CHIT1: variants seen among roughly 807,000 people sequenced by gnomAD.
CHIT1 encodes chitinase 1.
A neutral mutation model predicts 52.0 loss-of-function variants in CHIT1; 47 were observed. The observed-to-expected ratio is 0.90, with a 90% CI of 0.71 to 1.15. The LOEUF (loss-of-function observed/expected upper bound fraction) is 1.15. CHIT1 is among the 50% of genes most tolerant of loss of function. The pLI, the probability that CHIT1 is intolerant of heterozygous loss-of-function variation, is 0.00. For synonymous variants in CHIT1, 242 were observed against 228.2 expected, an observed-to-expected ratio of 1.06 and a Z score of -0.54; for missense variants, 569 against 583.0, an observed-to-expected ratio of 0.98 and a Z score of 0.25.
chr1:203,217,503 C>T (rs750390567), intron 10 of CHIT1: 124 of 1,114,910 alleles, frequency 1.1e-4, no homozygotes, highest in Middle Eastern at 2.0e-4. Context: ...AGGGAAGCCA[C>T]GGTTACAACA....
At chr1:203,226,770 G>GGTCA (rs1340878705) in intron 2 of CHIT1, among the ~76,000 whole-genome samples, 1 of 149,126 alleles carries the variant, frequency 6.7e-6, no homozygotes, top group Non-Finnish European at 1.5e-5. Flanking sequence ...CCCCCACTGA[G>GGTCA]GTCAGCCCTG....
At position 203,225,229 on chromosome 1, in the gene CHIT1, G is replaced by A. The variant is rs1656885113; in HGVS notation, c.258-125C>T. 4.8e-6 allele frequency: 4 copies of A among 832,896 alleles called. No homozygotes were observed. In the South Asian group the frequency reaches 5.6e-5, roughly 12 times the overall value. 51.6% of individuals were successfully genotyped at this position (832,896 alleles called of 1,614,324 possible). Reference sequence around the variant, plus strand: ...GTGAAAGTGCCTATGTGCAGAGACTGTATTAGGCATTCTGGGGACAGCTGT... The same window carrying A: ...GTGAAAGTGCCTATGTGCAGAGACTATATTAGGCATTCTGGGGACAGCTGT... On this transcript the variant is annotated intron_variant, in intron 3 of 10. Transcript: ENST00000367229.
At chr1:203,229,765 G>A (rs1657068895), upstream of CHIT1, 1 of 1,058,614 alleles carries the variant, frequency 9.4e-7, no homozygotes, top group East Asian at 2.5e-5. Context: ...GGGGGGGATG[G>A]GAGCAGGGTG....
chr1:203,218,023 G>T, intron 9 of CHIT1, 158 bp from the exon 10 acceptor site: 1 of 1,533,494 alleles, frequency 6.5e-7, no homozygotes, highest in East Asian at 2.5e-5. Flanking sequence ...TGGGAGCCTG[G>T]ATGCTGAGTC....
In CHIT1 at chr1:203,216,886, G is replaced by A. The variant is rs1288473650; in HGVS notation, c.*3C>T. 5 of 1,613,816 alleles carry A rather than the reference G, an allele frequency of 3.1e-6. No homozygotes were observed. Among genetic ancestry groups the A allele is most frequent in the Non-Finnish European group, 4.2e-6 (5 of 1,180,034 alleles). On this transcript the variant is annotated 3_prime_UTR_variant, in exon 11 of 11. Coordinates refer to ENST00000367229, the MANE Select transcript of CHIT1 (RefSeq NM_003465.3). The stretch of plus-strand genomic sequence containing the variant: ...AAGCTGGGACTGGAGGGGCTTTAGC[G>A]ACTCAATTCCAGGTGCAGCATTTGC...
At chr1:203,228,788 G>T (rs1243660147) in intron 1 of CHIT1, among the ~76,000 whole-genome samples, 1 of 152,184 alleles carries the variant, frequency 6.6e-6, no homozygotes. Flanking sequence ...CTGATGGAAA[G>T]TTCCATGGGC....
At chr1:203,217,212 C>A (rs953948808) in intron 10 of CHIT1, 79 bp from the exon 11 acceptor site, 4 of 1,596,906 alleles carry the variant, frequency 2.5e-6, no homozygotes, top group Non-Finnish European at 3.4e-6. Flanking sequence ...AGGCAGCAAC[C>A]ATTGGCTGGC....
intron 2 of CHIT1, among the ~76,000 whole-genome samples, chr1:203,226,820 T>G (rs1015068922): frequency 2.0e-5 from 3 of 152,084 alleles, no homozygotes; most frequent in Non-Finnish European, 4.4e-5. Context: ...AGAATGCTAG[T>G]CTTCATTCCA....
rs1376616816 is a variant in CHIT1, at chr1:203,216,105, A to G, written c.*784T>C. ...AATGTTGGGATGACTTTATTTAACCAGGACACCGTGTGCATGCTCTCTGGC... is the reference window on the plus strand; with the variant it reads ...AATGTTGGGATGACTTTATTTAACCGGGACACCGTGTGCATGCTCTCTGGC... On this transcript the variant is annotated 3_prime_UTR_variant, in exon 11 of 11. Coordinates refer to ENST00000367229, the MANE Select transcript of CHIT1 (RefSeq NM_003465.3). 1 of 454,004 alleles carries G rather than the reference A, an allele frequency of 2.2e-6. No homozygotes were observed. The highest frequency in any genetic ancestry group is 1.6e-5 in the South Asian group (1 of 64,476). The allele number at this position is 454,004 out of a possible 1,614,324, so 28.1% of individuals were successfully genotyped here. A position where few individuals can be genotyped will look rare whatever the true frequency, so the allele number is the denominator to read the frequency against.
chr1:203,217,435 G>A, intron 10 of CHIT1: 1 of 1,429,238 alleles, frequency 7.0e-7, no homozygotes, highest in Non-Finnish European at 9.4e-7. Flanking sequence ...GCTAAGGGGA[G>A]GCTTTCTCCC....
Position 203,225,099 on chromosome 1 carries a change from G to A in CHIT1, c.263C>T (p.Pro88Leu). The A allele has an allele frequency of 6.2e-7, 1 of 1,613,760 alleles. No homozygotes were observed. The highest frequency in any genetic ancestry group is 1.6e-4 in the Middle Eastern group (1 of 6,062). Residue 88 changes from proline (P) to leucine (L), a missense_variant, in exon 4 of 11, where the codon CCC (proline) becomes CTC (leucine). By Grantham distance (98) the Pro-to-Leu change is moderately conservative. Coordinates refer to ENST00000367229, the MANE Select transcript of CHIT1 (RefSeq NM_003465.3). ...GATGGCTAACAGGGTCTTCAGCTTG[G>A]GATTCCTGGGAAAGACAGGAGACAC... ...QEFNGLKKMN[P>L]KLKTLLAIGG...
Position 203,223,209 on chromosome 1 carries a change from GC to G in CHIT1, c.530del (p.Arg177ProfsTer4). On this transcript the variant is annotated frameshift_variant, in exon 6 of 11. Coordinates refer to ENST00000367229, the MANE Select transcript of CHIT1 (RefSeq NM_003465.3). LOFTEE classifies it high-confidence loss of function. Reference protein sequence around the residue: ...QQEAQTSGKERLLLSAAVPAG... With the variant: ...QQEAQTSGKEXLLLSAAVPAG... ...CTGGAACCGCTGCACTCAGAAGAAG[GC>G]GTTCCTTCCCTGAGGTCTGGGCTTC... 2 of 1,614,234 alleles carry G rather than the reference GC, an allele frequency of 1.2e-6. No individual in the cohort carries two copies. Among genetic ancestry groups the G allele is most frequent in the Non-Finnish European group, 1.7e-6 (2 of 1,180,038 alleles).
Position 203,219,670 on chromosome 1 carries a change from G to A in CHIT1, c.909C>T (p.Tyr303=), listed in dbSNP as rs756171525. The A allele has an allele frequency of 6.2e-7, 1 of 1,614,114 alleles. No individual in the cohort carries two copies. The highest frequency in any genetic ancestry group is 2.2e-5 in the East Asian group (1 of 44,886). The change falls in exon 8 of 11, where the codon TAC becomes TAT. Residue 303 remains tyrosine, a synonymous_variant. Transcript: ENST00000367229. ...TGGTTATGGGTTTTCCTACTTCATA[G>A]TAGGCCAGCATCCCTCCTTCCTTGG... The part of the protein sequence containing the change: ...PFTKEGGMLA[Y]YEVCSWKGAT...
chr1:203,217,516 CCTGGG>C (rs1397687216), intron 10 of CHIT1: 4 of 1,112,708 alleles, frequency 3.6e-6, no homozygotes, highest in Non-Finnish European at 5.2e-6. Flanking sequence ...TTACAACAAC[CCTGGG>C]CAGGCATTGC....
rs1354461005 is a variant in CHIT1, at chr1:203,225,797, G to C, written c.129C>G (p.Pro43=). Reference sequence around the variant, plus strand: ...TGCAAAGGCTGGGGTCCAAGTCCTTGGGCAGGAAGCGAGCCTCCCCCTGTC... The same window carrying C: ...TGCAAAGGCTGGGGTCCAAGTCCTTCGGCAGGAAGCGAGCCTCCCCCTGTC... ...QYRQGEARFL[P]KDLDPSLCTH... The change falls in exon 3 of 11, where the codon CCC becomes CCG. Residue 43 remains proline (P), a synonymous_variant. Transcript: ENST00000367229. 6.2e-7 allele frequency: 1 copy of C among 1,614,222 alleles called. No individual in the cohort carries two copies. The highest frequency in any genetic ancestry group is 1.3e-5 in the African/African-American group (1 of 75,058).
At position 203,216,530 on chromosome 1, in the gene CHIT1, A is replaced by G. The variant is rs1035093410; in HGVS notation, c.*359T>C. On this transcript the variant is annotated 3_prime_UTR_variant, in exon 11 of 11. Coordinates refer to ENST00000367229, the MANE Select transcript of CHIT1 (RefSeq NM_003465.3). ...TGTGTACTGGAAACTGCCCACTGGC[A>G]TATGGACTCATGGGGCAAGACCTGC... 1.3e-5 allele frequency: 6 copies of G among 464,754 alleles called. No homozygotes were observed. Among genetic ancestry groups the G allele is most frequent in the African/African-American group, 1.2e-4 (6 of 50,434 alleles). 28.8% of individuals were successfully genotyped at this position (464,754 alleles called of 1,614,324 possible).
In CHIT1 at chr1:203,225,085, G is replaced by C. The variant is rs745574679; in HGVS notation, c.277C>G (p.Leu93Val). ...AAATTCCAGCCTCCGATGGCTAACA[G>C]GGTCTTCAGCTTGGGATTCCTGGGA... ...LKKMNPKLKT[L>V]LAIGGWNFGT... Residue 93 changes from leucine to valine, a missense_variant, in exon 4 of 11, where the codon CTG (leucine) becomes GTG (valine). Coordinates refer to ENST00000367229, the MANE Select transcript of CHIT1 (RefSeq NM_003465.3). 5.0e-6 allele frequency: 8 copies of C among 1,613,854 alleles called. No individual in the cohort carries two copies. In the South Asian group the frequency reaches 8.8e-5, roughly 18 times the overall value.
intron 9 of CHIT1, 173 bp from the exon 10 acceptor site, chr1:203,218,038 T>C (rs751161832): frequency 7.8e-5 from 120 of 1,531,410 alleles, no homozygotes; most frequent in Non-Finnish European, 9.9e-5. Context: ...TGAGTCCTCA[T>C]GCTGCTTGGA....
chr1:203,228,497 GA>G lies in CHIT1; in HGVS notation c.55+35del, dbSNP rs772394834. The G allele has an allele frequency of 9.5e-6, 15 of 1,572,440 alleles. No homozygotes were observed. The African/African-American group carries it at 1.4e-4, about 14-fold the overall frequency. On this transcript the variant is annotated intron_variant, in intron 2 of 10. Transcript: ENST00000367229. ...TTTGGGACATTAAGCAGAGCCCAGGGAAGGGGCTGAGGCAGCCAAGAAAGAG... is the reference window on the plus strand; with the variant it reads ...TTTGGGACATTAAGCAGAGCCCAGGGAGGGGCTGAGGCAGCCAAGAAAGAG...
Sources: allele counts gnomAD v4.1 joint callset (sites outside exome capture counted in the v4.1 genomes callset), GRCh38; gene constraint gnomAD v4.1.1; transcripts MANE v1.5; gene names NCBI Gene and HGNC (gene_info 2026-07-23, HGNC 2026-07-21).